Variants in LRMDA observed in about 807,000 individuals in gnomAD.
LRMDA encodes leucine rich melanocyte differentiation associated.
A neutral mutation model predicts 29.8 loss-of-function variants in LRMDA; 18 were observed. The ratio of observed to expected loss-of-function variants is 0.60; its 90% confidence interval spans 0.42 to 0.90. The LOEUF (loss-of-function observed/expected upper bound fraction) is 0.90. Ranked by LOEUF, LRMDA falls within the 40% of genes least tolerant of loss-of-function variation. The pLI is 0.00. For synonymous variants in LRMDA, 125 were observed against 109.4 expected, an observed-to-expected ratio of 1.14 and a Z score of -0.89; for missense variants, 273 against 273.9, an observed-to-expected ratio of 1.00 and a Z score of 0.02.
intron 6 of LRMDA, among the ~76,000 whole-genome samples, chr10:76,502,450 C>T (rs1015383829): frequency 1.3e-5 from 2 of 151,904 alleles, no homozygotes; most frequent in Non-Finnish European, 2.9e-5. Context: ...TTTCTTTGGG[C>T]AGTATGGCCA....
intron 5 of LRMDA, among the ~76,000 whole-genome samples, chr10:76,245,174 T>C (rs887593309): frequency 1.3e-5 from 2 of 152,102 alleles, no homozygotes; most frequent in African/African-American, 4.8e-5. Context: ...TTTTAAAAAA[T>C]ATTGGATGTT....
chr10:76,254,300 T>TATACCATACCATACC (rs1554859356), intron 5 of LRMDA, among the ~76,000 whole-genome samples: 21,648 of 89,092 alleles, frequency 0.24, 3,124 homozygotes, highest in Admixed American at 0.28. Flanking sequence ...TATACTATAC[T>TATACCATACCATACC]ATACCATACC....
intron 6 of LRMDA, among the ~76,000 whole-genome samples, chr10:76,444,469 A>C (rs534210336): frequency 6.6e-6 from 1 of 152,314 alleles, no homozygotes; most frequent in South Asian, 2.1e-4. Flanking sequence ...AGAATTCGAT[A>C]CTGGGTTCAA....
intron 5 of LRMDA, among the ~76,000 whole-genome samples, chr10:76,241,850 C>T (rs962837378): frequency 1.8e-4 from 28 of 152,154 alleles, no homozygotes; most frequent in African/African-American, 6.5e-4. Context: ...CTGTTGGCCA[C>T]AGTCAACATT....
chr10:75,940,481 G>A (rs761680169), intron 2 of LRMDA, among the ~76,000 whole-genome samples: 8 of 152,068 alleles, frequency 5.3e-5, no homozygotes, highest in Non-Finnish European at 8.8e-5. Flanking sequence ...TGCCTTCCAC[G>A]AAGCCATTCT....
intron 2 of LRMDA, among the ~76,000 whole-genome samples, chr10:75,710,173 A>G (rs775884360): frequency 2.6e-5 from 4 of 152,214 alleles, no homozygotes; most frequent in Admixed American, 2.0e-4. Context: ...GGGAGCGTTG[A>G]TAATTATATA....
At chr10:75,980,541 T>G (rs1210216635) in intron 2 of LRMDA, among the ~76,000 whole-genome samples, 3 of 152,214 alleles carry the variant, frequency 2.0e-5, no homozygotes, top group Non-Finnish European at 2.9e-5. Flanking sequence ...TGTTCTGTCA[T>G]GCAGGTCAGC....
rs75528743 is a variant in LRMDA, at chr10:75,999,326, A to G, written c.132-36682A>G. ...ACTCTTGTCCAAAGCACTAATTTGG[A>G]GGCTGAGATTTATTGTTGTCACAGC... On this transcript the variant is annotated intron_variant, in intron 2 of 6. Transcript: ENST00000611255. Among the ~76,000 whole-genome samples the G allele has an allele frequency of 5.7e-3, 867 of 152,286 alleles. 44 individuals carry two copies. In the East Asian group the frequency reaches 0.13, roughly 23 times the overall value.
intron 6 of LRMDA, among the ~76,000 whole-genome samples, chr10:76,332,425 G>A (rs773029002): frequency 2.6e-5 from 4 of 152,124 alleles, no homozygotes; most frequent in African/African-American, 9.7e-5. Context: ...CAGAATTGTG[G>A]TATACTTGTA....
intron 5 of LRMDA, among the ~76,000 whole-genome samples, chr10:76,074,266 T>C (rs1848921934): frequency 6.6e-6 from 1 of 152,224 alleles, no homozygotes; most frequent in Non-Finnish European, 1.5e-5. Context: ...ATTCCAAATA[T>C]ACATTTCTTC....
At chr10:75,589,098 A>G (rs1347596144) in intron 2 of LRMDA, among the ~76,000 whole-genome samples, 1 of 152,198 alleles carries the variant, frequency 6.6e-6, no homozygotes, top group African/African-American at 2.4e-5. Flanking sequence ...GTTTGCAAGT[A>G]TGTCTGTAGG....
chr10:75,620,465 G>C (rs1369883287), intron 2 of LRMDA, among the ~76,000 whole-genome samples: 2 of 152,158 alleles, frequency 1.3e-5, no homozygotes, highest in Non-Finnish European at 2.9e-5. Context: ...GGCTTCTACA[G>C]CAGTCATTTT....
chr10:76,081,783 A>G (rs1849053149), intron 5 of LRMDA, among the ~76,000 whole-genome samples: 1 of 152,230 alleles, frequency 6.6e-6, no homozygotes, highest in Non-Finnish European at 1.5e-5. Flanking sequence ...ATGTACACAC[A>G]TACATGCTTA....
At chr10:75,833,230 G>A (rs1409519095) in intron 2 of LRMDA, among the ~76,000 whole-genome samples, 1 of 152,132 alleles carries the variant, frequency 6.6e-6, no homozygotes, top group Non-Finnish European at 1.5e-5. Context: ...GGCATATCAT[G>A]GATCACCTGA....
chr10:75,894,119 GC>G (rs1845543563), intron 2 of LRMDA, among the ~76,000 whole-genome samples: 1 of 152,024 alleles, frequency 6.6e-6, no homozygotes, highest in African/African-American at 2.4e-5. Context: ...AGATTTTGGT[GC>G]ACCCATCACC....
chr10:75,691,063 G>GT (rs1842141468), intron 2 of LRMDA, among the ~76,000 whole-genome samples: 2 of 123,988 alleles, frequency 1.6e-5, no homozygotes, highest in Admixed American at 7.9e-5. Flanking sequence ...ATATATATCT[G>GT]CCATAGATAT....
intron 2 of LRMDA, among the ~76,000 whole-genome samples, chr10:75,776,418 G>C (rs896522881): frequency 1.6e-4 from 24 of 152,170 alleles, no homozygotes; most frequent in Non-Finnish European, 3.4e-4. Context: ...TTTGGAAAAA[G>C]AGTTCTGCAT....
intron 6 of LRMDA, among the ~76,000 whole-genome samples, chr10:76,456,520 T>C (rs1842458261): frequency 6.6e-6 from 1 of 152,194 alleles, no homozygotes; most frequent in African/African-American, 2.4e-5. Flanking sequence ...AAATGTCTTA[T>C]GCCCTTTAAG....
At chr10:75,912,350 A>C (rs1845856488) in intron 2 of LRMDA, among the ~76,000 whole-genome samples, 1 of 152,214 alleles carries the variant, frequency 6.6e-6, no homozygotes, top group South Asian at 2.1e-4. Context: ...TGCAGAGGAC[A>C]TGCAAAGTGC....
Sources: gnomAD v4.1 joint callset for allele counts (sites outside exome capture counted in the v4.1 genomes callset) on GRCh38, gnomAD v4.1.1 for gene constraint, MANE v1.5 for transcripts, NCBI Gene and HGNC (gene_info 2026-07-23, HGNC 2026-07-21) for gene names.